Variants in GNG4 observed in about 807,000 individuals in gnomAD.
The protein encoded by GNG4 is guanine nucleotide-binding protein G(I)/G(S)/G(O) subunit gamma-4.
In GNG4, 4 loss-of-function variants were observed where a neutral mutation model predicts 5.8. The observed-to-expected ratio is 0.69, with a 90% confidence interval of 0.34 to 1.57. GNG4 has a LOEUF of 1.57. Among genes scored for constraint, GNG4 ranks in the 40% most tolerant of loss-of-function variants. The pLI is 0.06. For missense variants in GNG4, 96 were observed against 95.1 expected (o/e 1.01, Z -0.04); for synonymous variants, 29 against 32.9 (o/e 0.88, Z 0.41).
rs745340763 is a variant in GNG4 at position 235,570,850 on chromosome 1, T to TTA, written c.99+12888_99+12889dup. On this transcript the variant is annotated intron_variant, in intron 3 of 3. Transcript: ENST00000391854. ...GGTACATGCTACCATATCCAGCTAA[T>TTA]TATATATATATATGTGTGTGTGTGT... 1.6e-3 allele frequency among the ~76,000 whole-genome samples: 228 copies of TTA among 140,156 alleles called. 2 individuals carry two copies. The highest frequency in any genetic ancestry group is 6.4e-3 in the Admixed American group (93 of 14,468). The allele number at this position is 140,156 out of a possible 152,430, so 91.9% of individuals were successfully genotyped here. A position where few individuals can be genotyped will look rare whatever the true frequency, so the allele number is the denominator to read the frequency against.
Position 235,628,430 on chromosome 1 carries a change from A to G in GNG4, c.-123+21232T>C, listed in dbSNP as rs73122515. On this transcript the variant is annotated intron_variant, in intron 1 of 3. Coordinates refer to ENST00000391854, the MANE Select transcript of GNG4 (RefSeq NM_001098722.2). Reference sequence around the variant, plus strand: ...TTGTTAGGAGACGGGGGGGGGTTACAAGACCCTAGAACAAAATGGCCATTG... The same window carrying G: ...TTGTTAGGAGACGGGGGGGGGTTACGAGACCCTAGAACAAAATGGCCATTG... 5.3e-3 allele frequency among the ~76,000 whole-genome samples: 800 copies of G among 151,806 alleles called. 11 individuals are homozygous for G. The highest frequency in any genetic ancestry group is 0.017 in the African/African-American group (712 of 41,232).
At chr1:235,588,359 G>GC (rs1031038066) in intron 2 of GNG4, among the ~76,000 whole-genome samples, 5 of 151,912 alleles carry the variant, frequency 3.3e-5, no homozygotes, top group Non-Finnish European at 7.4e-5. Context: ...CCTGGACCTG[G>GC]CCCCCAGCGG....
chr1:235,582,598 A>G (rs1687664863), intron 3 of GNG4, among the ~76,000 whole-genome samples: 1 of 152,132 alleles, frequency 6.6e-6, no homozygotes, highest in Admixed American at 6.5e-5. Context: ...CTTTCATTTG[A>G]AACCCCTTTC....
intron 3 of GNG4, chr1:235,565,738 G>T (rs1397257609): frequency 6.6e-6 from 1 of 152,246 alleles, no homozygotes; most frequent in African/African-American, 2.4e-5. Context: ...ATGGTGGTAT[G>T]TGCCTACTTA....
intron 1 of GNG4, among the ~76,000 whole-genome samples, chr1:235,623,177 T>C (rs1236392586): frequency 1.3e-5 from 2 of 152,204 alleles, no homozygotes; most frequent in African/African-American, 4.8e-5. Context: ...CTTGGAGATT[T>C]AGCCTGCATG....
intron 1 of GNG4, chr1:235,614,683 T>C (rs1030742256): frequency 6.6e-6 from 1 of 152,422 alleles, no homozygotes; most frequent in Admixed American, 6.5e-5. Flanking sequence ...TTGGTGACCA[T>C]GAAGCTGCTG....
At chr1:235,608,086 C>T (rs1258008625) in intron 1 of GNG4, among the ~76,000 whole-genome samples, 3 of 152,150 alleles carry the variant, frequency 2.0e-5, no homozygotes, top group Non-Finnish European at 2.9e-5. Flanking sequence ...TACAGGCGCA[C>T]GCCACCATGC....
chr1:235,588,011 C>T (rs1035692835), intron 2 of GNG4, among the ~76,000 whole-genome samples: 27 of 151,878 alleles, frequency 1.8e-4, no homozygotes, highest in Admixed American at 1.2e-3. Context: ...GCAGCAGAGC[C>T]GACTCTCAGT....
intron 1 of GNG4, among the ~76,000 whole-genome samples, chr1:235,596,192 A>AAAGC (rs1553368860): frequency 5.6e-5 from 8 of 143,224 alleles, no homozygotes; most frequent in African/African-American, 2.1e-4. Context: ...AAACAAAACA[A>AAAGC]AAACAAACAA....
At chr1:235,563,495 ATT>A (rs1347381998) in intron 3 of GNG4, among the ~76,000 whole-genome samples, 1 of 149,470 alleles carries the variant, frequency 6.7e-6, no homozygotes, top group Admixed American at 6.7e-5. Context: ...ATGAAGTTAT[ATT>A]GATTGATTCA....
At chr1:235,588,556 C>T (rs918167910) in intron 2 of GNG4, among the ~76,000 whole-genome samples, 6 of 152,160 alleles carry the variant, frequency 3.9e-5, no homozygotes, top group Non-Finnish European at 2.9e-5. Context: ...CTCCTCCCCT[C>T]TCCACACTCA....
At chr1:235,613,973 C>A (rs1688534025) in intron 1 of GNG4, among the ~76,000 whole-genome samples, 1 of 152,174 alleles carries the variant, frequency 6.6e-6, no homozygotes, top group Non-Finnish European at 1.5e-5. Flanking sequence ...GTCACCACGA[C>A]TGGCTAATTT....
At chr1:235,554,845 CAAA>C (rs34093722) in intron 3 of GNG4, among the ~76,000 whole-genome samples, 4 of 84,414 alleles carry the variant, frequency 4.7e-5, no homozygotes, top group African/African-American at 4.7e-5. Context: ...AACTCCATCT[CAAA>C]AAAAAAAAAA....
At chr1:235,575,214 A>AT (rs1004403147) in intron 3 of GNG4, among the ~76,000 whole-genome samples, 2 of 152,164 alleles carry the variant, frequency 1.3e-5, no homozygotes, top group South Asian at 4.1e-4. Context: ...TGGCTGAATG[A>AT]TTTTTTCGAA....
Position 235,642,636 on chromosome 1 carries a change from G to A in GNG4, c.-123+7026C>T, listed in dbSNP as rs542964566. The stretch of plus-strand genomic sequence containing the variant: ...GCCAGGGAGAGGGCAGGGTTGGGAG[G>A]GTCTCTTTTAAGGGAATCCTATGCA... On this transcript the variant is annotated intron_variant, in intron 1 of 3. Transcript: ENST00000391854. This position sits in a 1 kb window ranked among gnomAD's most constrained non-coding sequence, Gnocchi z 4.3. 5.3e-5 allele frequency among the ~76,000 whole-genome samples: 8 copies of A among 152,188 alleles called. No individual in the cohort carries two copies. In the East Asian group the frequency reaches 1.5e-3, roughly 29 times the overall value.
intron 3 of GNG4, among the ~76,000 whole-genome samples, chr1:235,567,369 T>C (rs1280546689): frequency 1.3e-5 from 2 of 152,166 alleles, no homozygotes; most frequent in Admixed American, 6.5e-5. Context: ...TATAGTTCAG[T>C]AGTATTAAGT....
chr1:235,592,610 C>T (rs1251516106), intron 2 of GNG4, among the ~76,000 whole-genome samples: 2 of 152,164 alleles, frequency 1.3e-5, no homozygotes, highest in East Asian at 3.8e-4. Context: ...TTAAACAAAG[C>T]TTCTTTTCCT....
At chr1:235,585,498 CCTT>C (rs1687738861) in intron 2 of GNG4, among the ~76,000 whole-genome samples, 1 of 152,178 alleles carries the variant, frequency 6.6e-6, no homozygotes. Flanking sequence ...TCTCATTTCT[CCTT>C]CTTTCTTACA....
intron 1 of GNG4, among the ~76,000 whole-genome samples, chr1:235,640,942 T>G (rs765370823): frequency 6.6e-6 from 1 of 152,242 alleles, no homozygotes; most frequent in Non-Finnish European, 1.5e-5. Context: ...GGCTGCTTCT[T>G]GCGTGTCATT....
Sources: allele counts gnomAD v4.1 joint callset (sites outside exome capture counted in the v4.1 genomes callset), GRCh38; gene constraint gnomAD v4.1.1; non-coding constraint Gnocchi (gnomAD v3.1); transcripts MANE v1.5; gene names NCBI Gene and HGNC (gene_info 2026-07-23, HGNC 2026-07-21).